The following UBE2V1 variants were observed in gnomAD, a reference collection of about 807,000 sequenced individuals.
The protein encoded by UBE2V1 is ubiquitin conjugating enzyme E2 V1.
UBE2V1 carries 15 observed loss-of-function variants against 19.6 expected under a neutral mutation model. The ratio of observed to expected loss-of-function variants is 0.77; its 90% CI spans 0.51 to 1.18. The LOEUF (loss-of-function observed/expected upper bound fraction) is 1.18, where lower values mean the gene tolerates loss of function less well. Among genes scored for constraint, UBE2V1 ranks in the 50% most tolerant of loss-of-function variants. UBE2V1 has a pLI of 0.00. For synonymous variants in UBE2V1, 60 were observed against 60.7 expected (o/e 0.99, Z 0.05); for missense variants, 125 against 184.8 (o/e 0.68, Z 1.88).
intron 1 of UBE2V1, 42 bp downstream of exon 1, chr20:50,113,065 C>T: frequency 2.1e-6 from 2 of 940,822 alleles, no homozygotes; most frequent in Non-Finnish European, 2.9e-6. Context: ...CCGGCCCAAG[C>T]CCATGCCCCC....
At chr20:50,094,298 T>TCATTATATA (rs59144352) in intron 2 of UBE2V1, among the ~76,000 whole-genome samples, 15 of 81,074 alleles carry the variant, frequency 1.9e-4, no homozygotes, top group African/African-American at 5.0e-4. Context: ...AATATATAAT[T>TCATTATATA]ATATATAATA....
At chr20:50,094,909 C>T (rs1182507324) in intron 2 of UBE2V1, 1 of 152,198 alleles carries the variant, frequency 6.6e-6, no homozygotes, top group African/African-American at 2.4e-5. Context: ...ACATGGAGGA[C>T]TCCTGGCATA....
At chr20:50,104,250 C>A in intron 1 of UBE2V1, 1 of 958,420 alleles carries the variant, frequency 1.0e-6, no homozygotes, top group Non-Finnish European at 1.2e-6. Context: ...CCACGGCACT[C>A]CAGCCTGGCA....
At chr20:50,109,865 A>G (rs1185418954) in intron 1 of UBE2V1, among the ~76,000 whole-genome samples, 1 of 151,912 alleles carries the variant, frequency 6.6e-6, no homozygotes, top group African/African-American at 2.4e-5. Context: ...CTTTGAATGT[A>G]GGGCCCATGT....
At chr20:50,092,030 A>T (rs1405452476) in intron 2 of UBE2V1, among the ~76,000 whole-genome samples, 1 of 152,168 alleles carries the variant, frequency 6.6e-6, no homozygotes, top group African/African-American at 2.4e-5. Flanking sequence ...ATCCACACAT[A>T]AAACACTTGG....
chr20:50,081,570 C>T lies in UBE2V1; in HGVS notation c.*1198G>A, dbSNP rs1486294844. The stretch of plus-strand genomic sequence containing the variant: ...GCAGCACCAAAACCAAGGCATGCAC[C>T]GGATTCAAGGTTCTTTTTGTTCCAG... On this transcript the variant is annotated 3_prime_UTR_variant, in exon 4 of 4. Transcript: ENST00000371674. 1.9e-5 allele frequency: 3 copies of T among 153,890 alleles called. No individual in the cohort carries two copies. Among genetic ancestry groups the T allele is most frequent in the South Asian group, 2.1e-4 (1 of 4,836 alleles). The allele number at this position is 153,890 out of a possible 1,614,324, so 9.5% of individuals were successfully genotyped here.
chr20:50,098,037 T>C (rs931976404), intron 1 of UBE2V1, among the ~76,000 whole-genome samples: 16 of 152,172 alleles, frequency 1.1e-4, no homozygotes, highest in Non-Finnish European at 2.4e-4. Flanking sequence ...AAAATGAATA[T>C]GTAAATTATA....
upstream of UBE2V1, chr20:50,113,168 C>T (rs202084674): frequency 1.5e-5 from 19 of 1,260,822 alleles, no homozygotes; most frequent in South Asian, 2.6e-5. Flanking sequence ...CCTTCTTCAC[C>T]CCCCCCTTAC....
In UBE2V1 at chr20:50,081,808, G is replaced by T; in HGVS notation, c.*960C>A. The stretch of plus-strand genomic sequence containing the variant: ...GCTGGCAGGTCTGAGTAACCCTGGT[G>T]ACTATTCTTTTCACCTTATCAAAAC... On this transcript the variant is annotated 3_prime_UTR_variant, in exon 4 of 4. Transcript: ENST00000371674. The T allele has an allele frequency of 7.7e-6, 2 of 260,998 alleles. No homozygotes were observed. The highest frequency in any genetic ancestry group is 3.0e-4 in the South Asian group (2 of 6,640). The allele number at this position is 260,998 out of a possible 1,614,324, so 16.2% of individuals were successfully genotyped here.
intron 2 of UBE2V1, among the ~76,000 whole-genome samples, chr20:50,092,772 G>A (rs1453205752): frequency 6.6e-6 from 1 of 152,120 alleles, no homozygotes; most frequent in Non-Finnish European, 1.5e-5. Context: ...AAAAAGGTGG[G>A]GGCACTATTC....
intron 1 of UBE2V1, chr20:50,111,464 GAGA>G (rs1295247557): frequency 1.9e-5 from 19 of 1,000,222 alleles, no homozygotes; most frequent in African/African-American, 3.5e-5. Flanking sequence ...TTATTCTGGT[GAGA>G]AGTTTTACCC....
intron 2 of UBE2V1, among the ~76,000 whole-genome samples, chr20:50,094,544 T>G (rs959939103): frequency 3.3e-5 from 5 of 151,814 alleles, no homozygotes; most frequent in Non-Finnish European, 7.4e-5. Context: ...TATTCAGCCA[T>G]AAGAAGAATA....
rs1044237745 is a variant in UBE2V1 at position 50,100,680 on chromosome 20, C to T, written c.23-3860G>A. On this transcript the variant is annotated intron_variant, in intron 1 of 3. Coordinates refer to ENST00000371674, the MANE Select transcript of UBE2V1 (RefSeq NM_001032288.3). ...ATTACTGAATGGAAGCTGTATTACA[C>T]AAGTGACCTCTATTTTGAGTTGCTC... 3.9e-5 allele frequency among the ~76,000 whole-genome samples: 6 copies of T among 152,274 alleles called. 1 individual carries two copies. Among genetic ancestry groups the T allele is most frequent in the Admixed American group, 2.0e-4 (3 of 15,302 alleles).
intron 2 of UBE2V1, among the ~76,000 whole-genome samples, chr20:50,093,863 C>A (rs990321795): frequency 2.0e-5 from 3 of 150,536 alleles, no homozygotes; most frequent in East Asian, 1.9e-4. Context: ...GTGGCGGGTA[C>A]CTGTAATCCC....
At chr20:50,099,865 G>A (rs2079871824) in intron 1 of UBE2V1, among the ~76,000 whole-genome samples, 1 of 152,184 alleles carries the variant, frequency 6.6e-6, no homozygotes, top group Non-Finnish European at 1.5e-5. Flanking sequence ...ACTTTGAGAG[G>A]CCAAGACAAT....
chr20:50,088,785 CAAAA>C (rs10661118), intron 2 of UBE2V1, among the ~76,000 whole-genome samples: 1 of 119,612 alleles, frequency 8.4e-6, no homozygotes. Flanking sequence ...GACCCTATCT[CAAAA>C]AAAAAAAAAA....
In UBE2V1 at chr20:50,081,204, C is replaced by CTGTTATGTTAAACTTCACTTACAGGA. The variant is rs2078629532; in HGVS notation, c.*1538_*1563dup. 6.6e-6 allele frequency: 1 copy of CTGTTATGTTAAACTTCACTTACAGGA among 152,094 alleles called. No individual in the cohort carries two copies. The highest frequency in any genetic ancestry group is 1.5e-5 in the Non-Finnish European group (1 of 68,016). The allele number at this position is 152,094 out of a possible 1,614,324, so 9.4% of individuals were successfully genotyped here. The stretch of plus-strand genomic sequence containing the variant: ...CAATAAAAAGGCTGCTTATGGAATA[C>CTGTTATGTTAAACTTCACTTACAGGA]TGTTATGTTAAACTTCACTTACAGG... On this transcript the variant is annotated 3_prime_UTR_variant, in exon 4 of 4. Transcript: ENST00000371674.
chr20:50,105,659 C>T (rs568930752), intron 1 of UBE2V1, among the ~76,000 whole-genome samples: 1 of 152,298 alleles, frequency 6.6e-6, no homozygotes, highest in South Asian at 2.1e-4. Flanking sequence ...TAAAAATGGA[C>T]TCTTACAGGC....
At chr20:50,086,363 C>T (rs1013203393) in intron 2 of UBE2V1, among the ~76,000 whole-genome samples, 2 of 152,094 alleles carry the variant, frequency 1.3e-5, no homozygotes, top group African/African-American at 4.8e-5. Flanking sequence ...CAGGGGCCCT[C>T]AACTGAATTG....
Sources: allele counts gnomAD v4.1 joint callset (sites outside exome capture counted in the v4.1 genomes callset), GRCh38; gene constraint gnomAD v4.1.1; transcripts MANE v1.5; gene names NCBI Gene and HGNC (gene_info 2026-07-23, HGNC 2026-07-21).